Variants in CMKLR1 observed in about 807,000 individuals in gnomAD.
The protein encoded by CMKLR1 is chemerin-like receptor 1.
In CMKLR1, 6 loss-of-function variants were observed where a neutral mutation model predicts 8.2. That is an observed-to-expected ratio of 0.73 (90% confidence interval 0.40 to 1.44). The LOEUF is 1.44. CMKLR1 is among the 40% of genes most tolerant of loss of function. The pLI, the probability that CMKLR1 is intolerant of heterozygous loss-of-function variation, is 0.02. For synonymous variants in CMKLR1, 178 were observed against 181.2 expected (o/e 0.98, Z 0.14); for missense variants, 429 against 478.0 (o/e 0.90, Z 0.96).
At chr12:108,328,216 A>G (rs961783916) in intron 2 of CMKLR1, among the ~76,000 whole-genome samples, 1 of 152,184 alleles carries the variant, frequency 6.6e-6, no homozygotes, top group African/African-American at 2.4e-5. Flanking sequence ...TCTTTTGGCC[A>G]AGGCAGGAAG....
rs1031811675 is a variant in CMKLR1 at position 108,328,862 on chromosome 12, A to G, written c.-74+1133T>C. On this transcript the variant is annotated intron_variant, in intron 2 of 3. Coordinates refer to ENST00000550402, the MANE Select transcript of CMKLR1 (RefSeq NM_001142343.2). ...ATCACCAAATGGCCTTGGGCAACCC[A>G]AAGTGCCATCTTATATCAGCTCTCC... Among the ~76,000 whole-genome samples, 3 of 152,328 alleles carry G rather than the reference A, an allele frequency of 2.0e-5. No homozygotes were observed. The East Asian group carries it at 5.8e-4, about 29-fold the overall frequency.
chr12:108,302,072 C>A (rs145143724), intron 2 of CMKLR1, among the ~76,000 whole-genome samples: 1 of 152,180 alleles, frequency 6.6e-6, no homozygotes, highest in Middle Eastern at 3.2e-3. Context: ...CAAAAAACAG[C>A]GACCCTGACA....
At chr12:108,315,361 G>A (rs1891694734) in intron 2 of CMKLR1, among the ~76,000 whole-genome samples, 1 of 152,028 alleles carries the variant, frequency 6.6e-6, no homozygotes, top group Admixed American at 6.6e-5. Flanking sequence ...CCTCCATCCT[G>A]GCTTGCCCAC....
chr12:108,302,952 T>C (rs530885286), intron 2 of CMKLR1, among the ~76,000 whole-genome samples: 1 of 152,194 alleles, frequency 6.6e-6, no homozygotes. Flanking sequence ...GGTATAATTA[T>C]GTCAACCCTC....
chr12:108,323,923 G>T (rs1891921021), intron 2 of CMKLR1, among the ~76,000 whole-genome samples: 1 of 152,228 alleles, frequency 6.6e-6, no homozygotes, highest in Non-Finnish European at 1.5e-5. Flanking sequence ...TGGCCCCACA[G>T]CCAAGGACCT....
Position 108,294,459 on chromosome 12 carries a change from G to A in CMKLR1, c.-73-795C>T, listed in dbSNP as rs75897032. On this transcript the variant is annotated intron_variant, in intron 2 of 3. Transcript: ENST00000550402. ...AAGTTTGCAAGATCTTGGAGGCAGT[G>A]ATCACATGCAGGGTTCATACCTAAC... Among the ~76,000 whole-genome samples the A allele has an allele frequency of 9.3e-3, 1,411 of 152,310 alleles. 24 individuals are homozygous for A. Among genetic ancestry groups the A allele is most frequent in the Non-Finnish European group, 9.7e-3 (662 of 68,032 alleles).
At chr12:108,332,740 TC>T (rs1892137775) in intron 1 of CMKLR1, among the ~76,000 whole-genome samples, 1 of 151,854 alleles carries the variant, frequency 6.6e-6, no homozygotes, top group African/African-American at 2.4e-5. Context: ...CTTAATAAGC[TC>T]CCCCTTTTTA....
rs1395727046 is a variant in CMKLR1, at chr12:108,292,009, G to A, written c.954C>T (p.Phe318=). 3 of 1,614,078 alleles carry A rather than the reference G, an allele frequency of 1.9e-6. No homozygotes were observed. The highest frequency in any genetic ancestry group is 1.7e-5 in the Admixed American group (1 of 60,004). The change falls in exon 4 of 4, where the codon TTC becomes TTT. Residue 318 remains phenylalanine, a synonymous_variant. Coordinates refer to ENST00000550402, the MANE Select transcript of CMKLR1 (RefSeq NM_001142343.2). ...TGAACTTCTTGAAGTCCTGACCCAT[G>A]AAAACATACAGAATGGGGTTCATGC... ...NSCMNPILYV[F]MGQDFKKFKV...
At chr12:108,331,545 T>G (rs569856862) in intron 1 of CMKLR1, among the ~76,000 whole-genome samples, 1 of 152,304 alleles carries the variant, frequency 6.6e-6, no homozygotes, top group East Asian at 1.9e-4. Flanking sequence ...GAATAACAGA[T>G]CCCCAAAGAT....
At chr12:108,311,743 T>C (rs1891583615) in intron 2 of CMKLR1, among the ~76,000 whole-genome samples, 1 of 152,136 alleles carries the variant, frequency 6.6e-6, no homozygotes, top group South Asian at 2.1e-4. Context: ...GCATGGGCAT[T>C]AGCCTCCCTT....
rs1472724790 is a variant in CMKLR1 at position 108,334,078 on chromosome 12, A to G, written c.-286-3871T>C. On this transcript the variant is annotated intron_variant, in intron 1 of 3. Transcript: ENST00000550402. The stretch of plus-strand genomic sequence containing the variant: ...TTTCAAGTCCTAATCTGGCCAAATG[A>G]TCTTGGGAATGTCACGTAACCAATC... Among the ~76,000 whole-genome samples the G allele has an allele frequency of 3.3e-5, 5 of 152,236 alleles. No homozygotes were observed. In the East Asian group the frequency reaches 9.6e-4, roughly 29 times the overall value.
chr12:108,299,046 A>G (rs1891202335), intron 2 of CMKLR1, among the ~76,000 whole-genome samples: 1 of 152,254 alleles, frequency 6.6e-6, no homozygotes, highest in Admixed American at 6.5e-5. Flanking sequence ...AATGAGGATG[A>G]TAACAATACC....
chr12:108,300,535 G>T (rs923678990), intron 2 of CMKLR1, among the ~76,000 whole-genome samples: 5 of 152,244 alleles, frequency 3.3e-5, no homozygotes, highest in African/African-American at 9.6e-5. Context: ...CTGGATATTA[G>T]AAATAATAAC....
intron 2 of CMKLR1, among the ~76,000 whole-genome samples, chr12:108,299,008 G>A (rs998355172): frequency 2.0e-5 from 3 of 152,256 alleles, no homozygotes; most frequent in South Asian, 4.1e-4. Context: ...TGCTTCTCCT[G>A]TCAGGGCCTC....
Position 108,292,160 on chromosome 12 carries a change from GTAA to G in CMKLR1, c.800_802del (p.Ile267del), listed in dbSNP as rs755029883. On this transcript the variant is annotated inframe_deletion, in exon 4 of 4. Transcript: ENST00000550402. The stretch of plus-strand genomic sequence containing the variant: ...GTAGGGGCACCAGCAGAGGAAGAAG[GTAA>G]TGATGATGGTCACAATAATCTTGAA... 28 of 1,614,038 alleles carry G rather than the reference GTAA, an allele frequency of 1.7e-5. No homozygotes were observed. The highest frequency in any genetic ancestry group is 2.2e-5 in the Non-Finnish European group (26 of 1,180,036).
At chr12:108,327,045 A>G (rs1447759719) in intron 2 of CMKLR1, among the ~76,000 whole-genome samples, 1 of 152,168 alleles carries the variant, frequency 6.6e-6, no homozygotes, top group Non-Finnish European at 1.5e-5. Flanking sequence ...CCCAGCTGGT[A>G]ATCAAGGGAC....
At chr12:108,297,652 C>A (rs926224333) in intron 2 of CMKLR1, among the ~76,000 whole-genome samples, 1 of 152,226 alleles carries the variant, frequency 6.6e-6, no homozygotes. Flanking sequence ...CCTGAGGCCA[C>A]ACAGCAGGGA....
At chr12:108,309,535 C>CAA in intron 2 of CMKLR1, among the ~76,000 whole-genome samples, 1 of 148,002 alleles carries the variant, frequency 6.8e-6, no homozygotes, top group African/African-American at 2.6e-5. Context: ...ACCTCCATCT[C>CAA]CAAAAAAAAA....
intron 2 of CMKLR1, among the ~76,000 whole-genome samples, chr12:108,310,809 G>A (rs1263401228): frequency 6.6e-6 from 1 of 152,106 alleles, no homozygotes; most frequent in Non-Finnish European, 1.5e-5. Context: ...CCATCCCCGG[G>A]CCTCATGGAC....
Sources: allele counts gnomAD v4.1 joint callset (sites outside exome capture counted in the v4.1 genomes callset), GRCh38; gene constraint gnomAD v4.1.1; transcripts MANE v1.5; gene names NCBI Gene and HGNC (gene_info 2026-07-23, HGNC 2026-07-21).